Variants in ERAP1 observed in about 807,000 individuals in gnomAD.
ERAP1 encodes adipocyte-derived leucine aminopeptidase.
In ERAP1, 86 loss-of-function variants were observed where a neutral mutation model predicts 103.7. That is an observed-to-expected ratio of 0.83 (90% CI 0.70 to 0.99). The LOEUF is 0.99. Ranked by LOEUF, ERAP1 falls within the 50% of genes least tolerant of loss-of-function variation. The probability of loss-of-function intolerance (pLI) is 0.00; values close to 1 mark genes in which losing one functional copy is unlikely to be tolerated. For missense variants in ERAP1, 1,009 were observed against 1,128.4 expected (o/e 0.89, Z 1.52); for synonymous variants, 398 against 402.4 (o/e 0.99, Z 0.13).
At chr5:96,861,849 T>C in the ERAP1 span, among the ~76,000 whole-genome samples, 1 of 152,220 alleles carries the variant, frequency 6.6e-6, no homozygotes, top group African/African-American at 2.4e-5. Flanking sequence ...ACAACATCCT[T>C]GCGGGAATTC....
the ERAP1 span, among the ~76,000 whole-genome samples, chr5:96,816,261 TA>T: frequency 6.6e-6 from 1 of 152,182 alleles, no homozygotes; most frequent in Non-Finnish European, 1.5e-5. Flanking sequence ...CTTAACGAAT[TA>T]TACATGTGAA....
intron 6 of ERAP1, 70 bp downstream of exon 6, chr5:96,793,733 G>A (rs1466088012): frequency 1.5e-6 from 2 of 1,341,046 alleles, no homozygotes; most frequent in African/African-American, 3.0e-5. Context: ...TATATAAATA[G>A]CCTTATATGT....
chr5:96,839,034 T>C, the ERAP1 span, among the ~76,000 whole-genome samples: 46 of 152,234 alleles, frequency 3.0e-4, no homozygotes, highest in African/African-American at 1.1e-3. Context: ...TTTGCTAGAA[T>C]GGCTCACAGA....
chr5:96,907,894 A>AAT, the ERAP1 span, among the ~76,000 whole-genome samples: 5 of 151,102 alleles, frequency 3.3e-5, no homozygotes, highest in African/African-American at 9.7e-5. Context: ...AAAAAAAAAA[A>AAT]ATATATATAT....
At chr5:96,792,320 T>C (rs1210302928) in intron 7 of ERAP1, 128 bp from the exon 8 acceptor site, 1 of 766,272 alleles carries the variant, frequency 1.3e-6, no homozygotes, top group East Asian at 2.6e-5. Flanking sequence ...ATTCCATATT[T>C]CCTAATATTT....
In ERAP1 at chr5:96,781,112, C is replaced by G. The variant is rs747598814; in HGVS notation, c.2534G>C (p.Gly845Ala). ...CAGAAATTGCCAGGCCAGTGGGTAT[C>G]CTACTGGGTTCCTGCCAATGAGTGT... ...ILTLIGRNPV[G>A]YPLAWQFLRK... Residue 845 changes from glycine to alanine, a missense_variant, in exon 17 of 19, where the codon GGA (glycine) becomes GCA (alanine). Physicochemically the swap from Gly to Ala is moderately conservative, Grantham distance 60. This residue lies in a region of ERAP1 where 611 missense variants were observed against 651.7 expected (regional missense o/e 0.94). Transcript: ENST00000443439. 23 of 1,613,536 alleles carry G rather than the reference C, an allele frequency of 1.4e-5. No individual in the cohort carries two copies. In the South Asian group the frequency reaches 2.3e-4, roughly 16 times the overall value.
the ERAP1 span, among the ~76,000 whole-genome samples, chr5:96,859,700 G>A: frequency 2.0e-5 from 3 of 152,160 alleles, no homozygotes; most frequent in African/African-American, 7.2e-5. Context: ...CCTGATTTCT[G>A]TGGAGATTGT....
At chr5:96,817,364 A>C in the ERAP1 span, among the ~76,000 whole-genome samples, 15 of 152,324 alleles carry the variant, frequency 9.8e-5, no homozygotes, top group African/African-American at 2.4e-4. Flanking sequence ...TGATCATCTA[A>C]TTCACCTGCT....
the ERAP1 span, chr5:96,884,009 C>T: frequency 7.4e-7 from 1 of 1,342,900 alleles, no homozygotes; most frequent in Non-Finnish European, 1.0e-6. Context: ...AAATTGCTTT[C>T]AGGATTTCAG....
At chr5:96,815,606 T>C in the ERAP1 span, among the ~76,000 whole-genome samples, 23 of 152,188 alleles carry the variant, frequency 1.5e-4, no homozygotes, top group African/African-American at 5.1e-4. Flanking sequence ...GAGATGGGGT[T>C]TCTTCGTGTT....
At chr5:96,917,562 A>C in the ERAP1 span, 1 of 1,614,040 alleles carries the variant, frequency 6.2e-7, no homozygotes, top group Non-Finnish European at 8.5e-7. Flanking sequence ...TGGCTGGAGA[A>C]GAATCTTCCG....
chr5:96,902,428 A>C, the ERAP1 span: 20 of 872,178 alleles, frequency 2.3e-5, no homozygotes, highest in East Asian at 5.0e-4. Flanking sequence ...AAGGAACGAT[A>C]CAATAAGTAA....
the ERAP1 span, among the ~76,000 whole-genome samples, chr5:96,898,845 C>T: frequency 6.6e-6 from 1 of 152,174 alleles, no homozygotes; most frequent in East Asian, 1.9e-4. Flanking sequence ...TCCATGCTTC[C>T]GCTTAAGCTT....
At chr5:96,811,063 T>C (rs1779119568), upstream of ERAP1, among the ~76,000 whole-genome samples, 1 of 152,130 alleles carries the variant, frequency 6.6e-6, no homozygotes, top group African/African-American at 2.4e-5. Context: ...GACTCTTCCA[T>C]AGGCTCCCAG....
chr5:96,934,171 A>C, the ERAP1 span: 1 of 152,230 alleles, frequency 6.6e-6, no homozygotes, highest in Admixed American at 6.5e-5. Context: ...CTGCCCTCAC[A>C]AAGCTTGCAT....
the ERAP1 span, chr5:96,889,161 CCTCT>C: frequency 1.2e-6 from 2 of 1,612,264 alleles, no homozygotes; most frequent in Non-Finnish European, 1.7e-6. Flanking sequence ...CATTCAAAAA[CCTCT>C]TCTGATCCAC....
the ERAP1 span, among the ~76,000 whole-genome samples, chr5:96,914,945 ATTAT>A: frequency 0.54 from 81,773 of 151,284 alleles, 22,126 homozygotes; most frequent in Admixed American, 0.59. Context: ...AAATAAATAC[ATTAT>A]TTATTTCATG....
chr5:96,805,729 G>A (rs1042757605), intron 1 of ERAP1: 2 of 152,284 alleles, frequency 1.3e-5, no homozygotes, highest in African/African-American at 4.8e-5. Flanking sequence ...TGGAACTTGT[G>A]TTTTGCTTTC....
At chr5:96,837,132 A>G in the ERAP1 span, among the ~76,000 whole-genome samples, 1 of 151,998 alleles carries the variant, frequency 6.6e-6, no homozygotes, top group Non-Finnish European at 1.5e-5. Context: ...GTAGATATGT[A>G]GGCATCAATT....
Sources: gnomAD v4.1 joint callset for allele counts (sites outside exome capture counted in the v4.1 genomes callset) on GRCh38, gnomAD v4.1.1 for gene constraint, gnomAD v4.1.1 regional missense constraint, MANE v1.5 for transcripts, NCBI Gene and HGNC (gene_info 2026-07-23, HGNC 2026-07-21) for gene names.